The following DNAH6 variants were observed in gnomAD, a reference collection of about 807,000 sequenced individuals.
DNAH6 encodes dynein axonemal heavy chain 6.
DNAH6 carries 340 observed loss-of-function variants against 491.4 expected under a neutral mutation model. That is an observed-to-expected ratio of 0.69 (90% CI 0.63 to 0.76). DNAH6 has a LOEUF of 0.76. DNAH6 is among the 30% of genes least tolerant of loss of function. The pLI, the probability that DNAH6 is intolerant of heterozygous loss-of-function variation, is 0.00. For synonymous variants in DNAH6, 1,603 were observed against 1,686.1 expected, an observed-to-expected ratio of 0.95 and a Z score of 1.21; for missense variants, 4,443 against 4,972.2, an observed-to-expected ratio of 0.89 and a Z score of 3.20.
intron 74 of DNAH6, 98 bp from the exon 75 acceptor site, chr2:84,813,873 T>A (rs952033383): frequency 1.6e-6 from 2 of 1,257,398 alleles, no homozygotes; most frequent in African/African-American, 3.0e-5. Flanking sequence ...GTGGGAAGGC[T>A]CTCTAATGCC....
At chr2:84,647,687 T>C (rs1690030952) in intron 33 of DNAH6, among the ~76,000 whole-genome samples, 1 of 152,164 alleles carries the variant, frequency 6.6e-6, no homozygotes, top group Non-Finnish European at 1.5e-5. Flanking sequence ...GCCCCAAGAG[T>C]ACTCGCTGGC....
chr2:84,597,675 A>ATTG (rs1365901399), intron 18 of DNAH6, among the ~76,000 whole-genome samples: 2 of 152,250 alleles, frequency 1.3e-5, no homozygotes, highest in African/African-American at 2.4e-5. Flanking sequence ...TCACAGCAGC[A>ATTG]TTGTTCATAA....
chr2:84,519,978 G>A (rs1301009953), intron 2 of DNAH6, among the ~76,000 whole-genome samples: 4 of 151,424 alleles, frequency 2.6e-5, no homozygotes, highest in Admixed American at 6.6e-5. Context: ...TACACTTAGT[G>A]GTGGCATAGT....
intron 11 of DNAH6, among the ~76,000 whole-genome samples, chr2:84,568,829 C>T (rs1172588777): frequency 6.6e-6 from 1 of 152,070 alleles, no homozygotes; most frequent in African/African-American, 2.4e-5. Context: ...AAGATAAATG[C>T]GAATTAAAAC....
At position 84,588,860 on chromosome 2, in the gene DNAH6, A is replaced by G. The variant is rs775453026; in HGVS notation, c.2516A>G (p.Asp839Gly). 3.9e-6 allele frequency: 6 copies of G among 1,550,520 alleles called. No individual in the cohort carries two copies. In the South Asian group the frequency reaches 7.2e-5, roughly 19 times the overall value. Reference sequence around the variant, plus strand: ...ATTTTAGATATCTCTGCTGACCAAGACAAAATAAGGCTCATATTGAATAAT... The same window carrying G: ...ATTTTAGATATCTCTGCTGACCAAGGCAAAATAAGGCTCATATTGAATAAT... ...PQILDISADQ[D>G]KIRLILNNLQ... The change falls in exon 16 of 77, where the codon GAC becomes GGC. Residue 839 changes from aspartate to glycine, a missense_variant. Around this residue, in one of 3 missense-constraint regions of DNAH6, gnomAD observed 2,977 missense variants for 3,296.6 expected, o/e 0.90. Transcript: ENST00000389394.
chr2:84,460,749 G>A, the DNAH6 span, among the ~76,000 whole-genome samples: 1 of 152,164 alleles, frequency 6.6e-6, no homozygotes, highest in Non-Finnish European at 1.5e-5. Context: ...TCAACCTCTT[G>A]TAATAACTGC....
At chr2:84,728,383 T>G (rs1490378883) in intron 61 of DNAH6, among the ~76,000 whole-genome samples, 2 of 152,252 alleles carry the variant, frequency 1.3e-5, no homozygotes, top group Admixed American at 1.3e-4. Flanking sequence ...CCATACATTT[T>G]GCTGTGTTGC....
intron 37 of DNAH6, among the ~76,000 whole-genome samples, chr2:84,661,160 G>A (rs1348311083): frequency 6.6e-6 from 1 of 151,802 alleles, no homozygotes; most frequent in East Asian, 1.9e-4. Flanking sequence ...CCTATTTATT[G>A]TTCCTTTTGC....
chr2:84,658,330 CCAA>C lies in DNAH6; in HGVS notation c.5798_5800del (p.Gln1933del), dbSNP rs1691176912. ...CCCAAGAATATATATTGAATCTTTT[CCAA>C]CGTTATGTTGATGAAGGTTTACATT... On this transcript the variant is annotated inframe_deletion, in exon 36 of 77. Transcript: ENST00000389394. 6.5e-7 allele frequency: 1 copy of C among 1,540,970 alleles called. No individual in the cohort carries two copies. Among genetic ancestry groups the C allele is most frequent in the Admixed American group, 2.0e-5 (1 of 49,404 alleles).
chr2:84,585,648 T>C (rs1054934709), intron 15 of DNAH6, among the ~76,000 whole-genome samples: 2 of 152,026 alleles, frequency 1.3e-5, no homozygotes, highest in Non-Finnish European at 2.9e-5. Flanking sequence ...GTTTTCCCGA[T>C]GTATGCCCAG....
intron 49 of DNAH6, among the ~76,000 whole-genome samples, chr2:84,702,886 T>C (rs1413671632): frequency 6.6e-6 from 1 of 152,152 alleles, no homozygotes; most frequent in Non-Finnish European, 1.5e-5. Context: ...CCCAGGTGTC[T>C]CCTTTACCAG....
At chr2:84,699,448 G>A in intron 47 of DNAH6, 146 bp from the exon 48 acceptor site, 1 of 705,954 alleles carries the variant, frequency 1.4e-6, no homozygotes, top group Non-Finnish European at 2.3e-6. Context: ...AGAGGTTGGA[G>A]TGAATGTTGA....
chr2:84,645,255 A>C (rs2104523336), intron 33 of DNAH6, among the ~76,000 whole-genome samples: 1 of 152,136 alleles, frequency 6.6e-6, no homozygotes, highest in Admixed American at 6.5e-5. Context: ...CCCTGTCTGT[A>C]CTAAAAATAC....
Position 84,708,353 on chromosome 2 carries a change from G to A in DNAH6, c.9048+637G>A, listed in dbSNP as rs145685055. On this transcript the variant is annotated intron_variant, in intron 54 of 76. Coordinates refer to ENST00000389394, the MANE Select transcript of DNAH6 (RefSeq NM_001370.2). ...CTAGCTACTGGGGAGGCCGAGGCTG[G>A]AAAATTGCCTGAACCCAGGAAGCGG... Among the ~76,000 whole-genome samples the A allele has an allele frequency of 5.1e-3, 777 of 151,852 alleles. 7 individuals carry two copies. The highest frequency in any genetic ancestry group is 0.018 in the African/African-American group (737 of 41,362).
chr2:84,576,031 G>A (rs1377276375), intron 12 of DNAH6, among the ~76,000 whole-genome samples: 2 of 152,188 alleles, frequency 1.3e-5, no homozygotes, highest in African/African-American at 2.4e-5. Flanking sequence ...GGTTCCCAAA[G>A]TTGTGTTCAT....
intron 44 of DNAH6, among the ~76,000 whole-genome samples, chr2:84,687,424 G>A (rs1025641696): frequency 3.9e-5 from 6 of 152,190 alleles, no homozygotes; most frequent in East Asian, 1.9e-4. Flanking sequence ...GAAGGAACTC[G>A]TCTTTATATT....
intron 68 of DNAH6, among the ~76,000 whole-genome samples, chr2:84,790,390 C>T (rs564428288): frequency 7.2e-5 from 11 of 152,254 alleles, no homozygotes; most frequent in South Asian, 6.2e-4. Context: ...ATAAATTGGA[C>T]TTCATCAACA....
chr2:84,525,783 T>A, intron 3 of DNAH6, 45 bp downstream of exon 3: 10 of 1,402,452 alleles, frequency 7.1e-6, no homozygotes, highest in Non-Finnish European at 9.7e-6. Flanking sequence ...CTTAATTTTG[T>A]TTTGTATAGC....
At chr2:84,775,015 T>G (rs1675989805) in intron 64 of DNAH6, among the ~76,000 whole-genome samples, 2 of 152,182 alleles carry the variant, frequency 1.3e-5, no homozygotes, top group Admixed American at 1.3e-4. Context: ...CTTGCCTGAT[T>G]GCTTTGGCTA....
Sources: gnomAD v4.1 joint callset for allele counts (sites outside exome capture counted in the v4.1 genomes callset) on GRCh38, gnomAD v4.1.1 for gene constraint, gnomAD v4.1.1 regional missense constraint, MANE v1.5 for transcripts, NCBI Gene and HGNC (gene_info 2026-07-23, HGNC 2026-07-21) for gene names.